C19orf18: variants seen among roughly 807,000 people sequenced by gnomAD.
The protein encoded by C19orf18 is chromosome 19 open reading frame 18, also known as uncharacterized protein C19orf18.
In C19orf18, 21 loss-of-function variants were observed where a neutral mutation model predicts 23.3. The observed-to-expected ratio is 0.90, with a 90% CI of 0.64 to 1.30. The LOEUF (loss-of-function observed/expected upper bound fraction) is 1.30, where lower values mean the gene tolerates loss of function less well. Ranked by LOEUF, C19orf18 falls within the 50% of genes most tolerant of loss-of-function variation. The probability of loss-of-function intolerance (pLI) is 0.00; values close to 1 mark genes in which losing one functional copy is unlikely to be tolerated. For missense variants in C19orf18, 249 were observed against 259.6 expected (o/e 0.96, Z 0.28); for synonymous variants, 96 against 95.2 (o/e 1.01, Z -0.05).
intron 4 of C19orf18, among the ~76,000 whole-genome samples, chr19:57,961,909 TTTC>T (rs1427088247): frequency 3.9e-5 from 6 of 152,050 alleles, no homozygotes; most frequent in African/African-American, 7.2e-5. Flanking sequence ...TTCCTTTTTC[TTTC>T]TTCTTTCCTC....
chr19:57,967,267 T>C lies in C19orf18; in HGVS notation c.269-635A>G, dbSNP rs549400029. ...ATTTTGAAAATTATTTTGGGGAACTTTGTATAAAAGAAAGAAGAGAAATGG... is the reference window on the plus strand; with the variant it reads ...ATTTTGAAAATTATTTTGGGGAACTCTGTATAAAAGAAAGAAGAGAAATGG... On this transcript the variant is annotated intron_variant, in intron 3 of 5. Transcript: ENST00000314391. Among the ~76,000 whole-genome samples the C allele has an allele frequency of 3.0e-4, 46 of 152,146 alleles. No individual in the cohort carries two copies. In the South Asian group the frequency reaches 3.5e-3, roughly 12 times the overall value.
intron 3 of C19orf18, 90 bp downstream of exon 3, chr19:57,972,373 G>A (rs2072950901): frequency 6.8e-7 from 1 of 1,475,270 alleles, no homozygotes; most frequent in Non-Finnish European, 9.3e-7. Context: ...CAGGCTCCTT[G>A]GTGACCAGCC....
rs888525576 is a variant in C19orf18 at position 57,965,382 on chromosome 19, G to A, written c.371+1148C>T. 6.6e-5 allele frequency among the ~76,000 whole-genome samples: 10 copies of A among 152,196 alleles called. No individual in the cohort carries two copies. The East Asian group carries it at 1.4e-3, about 21-fold the overall frequency. On this transcript the variant is annotated intron_variant, in intron 4 of 5. Transcript: ENST00000314391. ...ACTCCTGACCTCAGGTGATGTACCC[G>A]CCTCAGCCTCCCAGAGTGCTGGGAT...
intron 4 of C19orf18, among the ~76,000 whole-genome samples, chr19:57,965,870 A>G (rs1385997088): frequency 2.0e-5 from 3 of 152,214 alleles, no homozygotes; most frequent in South Asian, 4.1e-4. Context: ...TAAGAAATAT[A>G]TTTTATTTCA....
rs532027418 is a variant in C19orf18 at position 57,963,737 on chromosome 19, A to T, written c.372-2186T>A. 2.9e-4 allele frequency among the ~76,000 whole-genome samples: 44 copies of T among 152,124 alleles called. No homozygotes were observed. In the South Asian group the frequency reaches 7.7e-3, roughly 27 times the overall value. On this transcript the variant is annotated intron_variant, in intron 4 of 5. Transcript: ENST00000314391. ...CCCGTCTCTAATAAAAATACAAAAAAAAATTAGCCGGGCGTGGTGGCGGGT... is the reference window on the plus strand; with the variant it reads ...CCCGTCTCTAATAAAAATACAAAAATAAATTAGCCGGGCGTGGTGGCGGGT...
In C19orf18 at chr19:57,974,144, T is replaced by C. The variant is rs2072966775; in HGVS notation, c.181A>G (p.Lys61Glu). 6 of 1,614,034 alleles carry C rather than the reference T, an allele frequency of 3.7e-6. No homozygotes were observed. The highest frequency in any genetic ancestry group is 1.3e-5 in the African/African-American group (1 of 74,914). Residue 61 changes from lysine (K) to glutamate (E), a missense_variant, in exon 2 of 6, where the codon AAA becomes GAA. By Grantham distance (56) the Lys-to-Glu change is moderately conservative. Coordinates refer to ENST00000314391, the MANE Select transcript of C19orf18 (RefSeq NM_152474.5). Reference protein sequence around the residue: ...ITKEPKVFFHKTQLPGIQGAA... With the variant: ...ITKEPKVFFHETQLPGIQGAA... ...CCTTGAATCCCAGGCAACTGGGTTT[T>C]ATGAAAGAACACTTTGGGCTCTTTG...
At chr19:57,967,761 A>G (rs989498644) in intron 3 of C19orf18, among the ~76,000 whole-genome samples, 1 of 151,856 alleles carries the variant, frequency 6.6e-6, no homozygotes, top group African/African-American at 2.4e-5. Context: ...TTAAAAAAAA[A>G]AAACTTTGGG....
At chr19:57,961,691 G>T in intron 4 of C19orf18, 140 bp from the exon 5 acceptor site, 1 of 893,458 alleles carries the variant, frequency 1.1e-6, no homozygotes, top group Non-Finnish European at 1.7e-6. Context: ...GACTAATCAT[G>T]GTCAGCTCTC....
intron 4 of C19orf18, among the ~76,000 whole-genome samples, chr19:57,965,640 T>G (rs145082707): frequency 6.6e-6 from 1 of 152,110 alleles, no homozygotes; most frequent in East Asian, 2.0e-4. Flanking sequence ...CCCAGCTACT[T>G]GGGAGGCTGA....
chr19:57,962,591 C>T (rs990029778), intron 4 of C19orf18, among the ~76,000 whole-genome samples: 1 of 152,138 alleles, frequency 6.6e-6, no homozygotes, highest in African/African-American at 2.4e-5. Context: ...CGCGGTGGCT[C>T]ACGCCAGTAA....
chr19:57,961,885 T>C (rs772610545), intron 4 of C19orf18, among the ~76,000 whole-genome samples: 1 of 150,076 alleles, frequency 6.7e-6, no homozygotes, highest in South Asian at 2.1e-4. Context: ...CTTCTCTTTT[T>C]CTTTCTCTTT....
intron 5 of C19orf18, among the ~76,000 whole-genome samples, 177 bp downstream of exon 5, chr19:57,961,214 T>G (rs1208005532): frequency 3.4e-5 from 5 of 149,068 alleles, no homozygotes; most frequent in Admixed American, 6.8e-5. Flanking sequence ...CAGCCTGGGC[T>G]ACAGAGTAAG....
intron 3 of C19orf18, among the ~76,000 whole-genome samples, chr19:57,968,279 C>A (rs1364529492): frequency 6.6e-6 from 1 of 152,214 alleles, no homozygotes; most frequent in South Asian, 2.1e-4. Context: ...GGCCCCAACT[C>A]CTAATATCCT....
At chr19:57,963,314 C>G (rs1034698485) in intron 4 of C19orf18, among the ~76,000 whole-genome samples, 8 of 151,668 alleles carry the variant, frequency 5.3e-5, no homozygotes, top group African/African-American at 1.9e-4. Context: ...CAGGCGTGAG[C>G]CACCGCGCCC....
intron 2 of C19orf18, among the ~76,000 whole-genome samples, chr19:57,973,076 G>A (rs978066407): frequency 2.0e-5 from 3 of 146,726 alleles, no homozygotes; most frequent in Admixed American, 7.0e-5. Flanking sequence ...TGAACCCGGC[G>A]GTGGAGGTTG....
chr19:57,962,857 CAA>C (rs969125692), intron 4 of C19orf18, among the ~76,000 whole-genome samples: 2 of 133,596 alleles, frequency 1.5e-5, no homozygotes. Flanking sequence ...AACTCCATCT[CAA>C]AAAAAAAAAC....
Position 57,973,227 on chromosome 19 carries a change from G to A in C19orf18, c.227-723C>T, listed in dbSNP as rs112945867. 6.9e-3 allele frequency among the ~76,000 whole-genome samples: 944 copies of A among 136,110 alleles called. 4 individuals carry two copies. The highest frequency in any genetic ancestry group is 0.01 in the Non-Finnish European group (673 of 65,194). The allele number at this position is 136,110 out of a possible 152,430, so 89.3% of individuals were successfully genotyped here. ...CAGAGAGGCCAGGGAACCAACAATA[G>A]TGTCCTTTCCTCGGACACAAATTAC... On this transcript the variant is annotated intron_variant, in intron 2 of 5. Coordinates refer to ENST00000314391, the MANE Select transcript of C19orf18 (RefSeq NM_152474.5).
intron 4 of C19orf18, among the ~76,000 whole-genome samples, chr19:57,964,428 C>T (rs943105655): frequency 2.6e-5 from 4 of 152,130 alleles, no homozygotes; most frequent in Non-Finnish European, 5.9e-5. Context: ...ACTACAGGTG[C>T]GTGCTACCAC....
At chr19:57,959,752 A>C (rs1159918874) in intron 5 of C19orf18, among the ~76,000 whole-genome samples, 1 of 148,498 alleles carries the variant, frequency 6.7e-6, no homozygotes, top group Non-Finnish European at 1.5e-5. Context: ...CTGATATTGC[A>C]CCACTGCACT....
Sources: allele counts gnomAD v4.1 joint callset (sites outside exome capture counted in the v4.1 genomes callset), GRCh38; gene constraint gnomAD v4.1.1; transcripts MANE v1.5; gene names NCBI Gene and HGNC (gene_info 2026-07-23, HGNC 2026-07-21).